Variants in NKD1 observed in about 807,000 individuals in gnomAD.
NKD1 encodes NKD inhibitor of Wnt signaling pathway 1, also known as protein naked cuticle homolog 1.
A neutral mutation model predicts 56.0 loss-of-function variants in NKD1; 21 were observed. The ratio of observed to expected loss-of-function variants is 0.38; its 90% CI spans 0.27 to 0.54. The LOEUF (loss-of-function observed/expected upper bound fraction) is 0.54, where lower values mean the gene tolerates loss of function less well. Among genes scored for constraint, NKD1 ranks in the 20% least tolerant of loss-of-function variants. The pLI is 0.82. For synonymous variants in NKD1, 263 were observed against 265.7 expected (o/e 0.99, Z 0.10); for missense variants, 578 against 642.7 (o/e 0.90, Z 1.09).
rs1223451536 is a variant in NKD1, at chr16:50,560,836, A to ATCTATCTATCTG, written c.192+11292_192+11293insGTCTATCTATCT. Among the ~76,000 whole-genome samples, 5 of 151,870 alleles carry ATCTATCTATCTG rather than the reference A, an allele frequency of 3.3e-5. No homozygotes were observed. In the East Asian group the frequency reaches 7.7e-4, roughly 24 times the overall value. On this transcript the variant is annotated intron_variant, in intron 3 of 9. Transcript: ENST00000268459. ...TATACCCAAACCCATCTATCTATCT[A>ATCTATCTATCTG]TCTATCTATCTATCTATCTATCTAT...
At chr16:50,555,576 G>A (rs1271907633) in intron 3 of NKD1, 1 of 152,574 alleles carries the variant, frequency 6.6e-6, no homozygotes, top group Admixed American at 6.5e-5. Context: ...TGCTCAAGAA[G>A]GAGGCTCTTC....
chr16:50,644,943 GA>G lies in NKD1; in HGVS notation c.*11163del, dbSNP rs1167222952. On this transcript the variant is annotated 3_prime_UTR_variant, in exon 10 of 10. Coordinates refer to ENST00000268459, the MANE Select transcript of NKD1 (RefSeq NM_033119.5). ...GACTGCAGGCCAGTCTCTGTGGTGT[GA>G]CCACCCCCCAGTGGCAAGGAGCTGC... 1 of 152,222 alleles carries G rather than the reference GA, an allele frequency of 6.6e-6. No homozygotes were observed. The highest frequency in any genetic ancestry group is 2.4e-5 in the African/African-American group (1 of 41,454). The allele number at this position is 152,222 out of a possible 1,614,324, so 9.4% of individuals were successfully genotyped here.
intron 3 of NKD1, among the ~76,000 whole-genome samples, chr16:50,597,024 C>T (rs886827923): frequency 6.6e-6 from 1 of 151,720 alleles, no homozygotes; most frequent in African/African-American, 2.4e-5. Context: ...GGTGATAGGG[C>T]AGACAAATTG....
intron 3 of NKD1, among the ~76,000 whole-genome samples, chr16:50,562,993 C>CA (rs1411898551): frequency 7.7e-6 from 1 of 129,508 alleles, no homozygotes; most frequent in Non-Finnish European, 1.6e-5. Flanking sequence ...ACCACCCCCC[C>CA]CCCCCGCCGT....
chr16:50,629,503 C>A (rs1295218314), intron 6 of NKD1, among the ~76,000 whole-genome samples: 1 of 152,178 alleles, frequency 6.6e-6, no homozygotes, highest in Non-Finnish European at 1.5e-5. Context: ...CCTGGGTCCA[C>A]CTCAAAGTTC....
rs1962138748 is a variant in NKD1, at chr16:50,623,490, A to G, written c.366+1782A>G. Among the ~76,000 whole-genome samples, 1 of 152,092 alleles carries G rather than the reference A, an allele frequency of 6.6e-6. No individual in the cohort carries two copies. Among genetic ancestry groups the G allele is most frequent in the Non-Finnish European group, 1.5e-5 (1 of 68,004 alleles). On this transcript the variant is annotated intron_variant, in intron 5 of 9. Transcript: ENST00000268459. The surrounding 1 kb of genome is among the most constrained non-coding windows in gnomAD (Gnocchi z 4.1). ...GCCCAGGGCTGAACTCAGTGGCAGA[A>G]GGAAGACCAGGCCCAGGCATCCTGC...
chr16:50,562,246 C>G, intron 3 of NKD1: 3 of 961,004 alleles, frequency 3.1e-6, no homozygotes, highest in Non-Finnish European at 3.7e-6. Context: ...AACTGCAAAA[C>G]ATTCATAGGC....
chr16:50,612,428 T>A (rs937974064), intron 4 of NKD1, among the ~76,000 whole-genome samples: 12 of 152,228 alleles, frequency 7.9e-5, no homozygotes, highest in Non-Finnish European at 1.5e-5. Flanking sequence ...TGCTGGGCAT[T>A]TGCTGCAGCT....
intron 7 of NKD1, 53 bp from the exon 8 acceptor site, chr16:50,630,773 G>C: frequency 6.7e-7 from 1 of 1,482,270 alleles, no homozygotes; most frequent in South Asian, 1.3e-5. Flanking sequence ...CCTGGGGAGG[G>C]TGGGAGCAGG....
At chr16:50,562,994 C>CA (rs1487201911) in intron 3 of NKD1, among the ~76,000 whole-genome samples, 2 of 131,202 alleles carry the variant, frequency 1.5e-5, no homozygotes, top group Non-Finnish European at 3.2e-5. Flanking sequence ...CCACCCCCCC[C>CA]CCCCGCCGTA....
Position 50,594,291 on chromosome 16 carries a change from G to A in NKD1, c.193-14003G>A, listed in dbSNP as rs114575041. Among the ~76,000 whole-genome samples the A allele has an allele frequency of 4.7e-3, 723 of 152,298 alleles. 9 individuals carry two copies. Among genetic ancestry groups the A allele is most frequent in the African/African-American group, 0.017 (692 of 41,564 alleles). On this transcript the variant is annotated intron_variant, in intron 3 of 9. Coordinates refer to ENST00000268459, the MANE Select transcript of NKD1 (RefSeq NM_033119.5). The stretch of plus-strand genomic sequence containing the variant: ...CACAGTGTGACCATTGCCTTTCTGG[G>A]CTGGACTGATGTTCCACCTGCTTTG...
rs887741776 is a variant in NKD1 at position 50,633,903 on chromosome 16, C to T, written c.*122C>T. ...ATTGTTATTAATAATTATTGTTACT[C>T]CACTAATATTTAGCTAGCCTACATG... On this transcript the variant is annotated 3_prime_UTR_variant, in exon 10 of 10. Transcript: ENST00000268459. The surrounding 1 kb of genome is among the most constrained non-coding windows in gnomAD (Gnocchi z 4.9). 6.8e-5 allele frequency: 38 copies of T among 554,896 alleles called. No homozygotes were observed. The East Asian group carries it at 1.2e-3, about 18-fold the overall frequency. The allele number at this position is 554,896 out of a possible 1,614,324, so 34.4% of individuals were successfully genotyped here.
At chr16:50,621,823 G>A (rs1173884634) in intron 5 of NKD1, 115 bp downstream of exon 5, 3 of 737,802 alleles carry the variant, frequency 4.1e-6, no homozygotes, top group African/African-American at 1.8e-5. Context: ...TCCCCTGCAT[G>A]AACAGCACCC....
Position 50,648,076 on chromosome 16 carries a change from C to G in NKD1, c.*14295C>G, listed in dbSNP as rs1426889781. 1 of 152,330 alleles carries G rather than the reference C, an allele frequency of 6.6e-6. No homozygotes were observed. Among genetic ancestry groups the G allele is most frequent in the Non-Finnish European group, 1.5e-5 (1 of 68,090 alleles). 9.4% of individuals were successfully genotyped at this position (152,330 alleles called of 1,614,324 possible). A position where few individuals can be genotyped will look rare whatever the true frequency, so the allele number is the denominator to read the frequency against. ...TGGGTGATTTCCGCAGGTGTCTGAACCCCGATCTCTCAGTGTTATGGCCCC... is the reference window on the plus strand; with the variant it reads ...TGGGTGATTTCCGCAGGTGTCTGAAGCCCGATCTCTCAGTGTTATGGCCCC... On this transcript the variant is annotated 3_prime_UTR_variant, in exon 10 of 10. Transcript: ENST00000268459.
At position 50,634,734 on chromosome 16, in the gene NKD1, G is replaced by C. The variant is rs1321969421; in HGVS notation, c.*953G>C. ...ATATACACTCTCAGGTATCTTTTCT[G>C]GTGTGTATAAATCAGTGGTTTGCTT... On this transcript the variant is annotated 3_prime_UTR_variant, in exon 10 of 10. Coordinates refer to ENST00000268459, the MANE Select transcript of NKD1 (RefSeq NM_033119.5). 1.3e-5 allele frequency: 2 copies of C among 152,268 alleles called. No homozygotes were observed. Among genetic ancestry groups the C allele is most frequent in the African/African-American group, 4.8e-5 (2 of 41,428 alleles). The allele number at this position is 152,268 out of a possible 1,614,324, so 9.4% of individuals were successfully genotyped here.
At chr16:50,562,843 A>G (rs1312514029) in intron 3 of NKD1, among the ~76,000 whole-genome samples, 1 of 152,082 alleles carries the variant, frequency 6.6e-6, no homozygotes, top group Admixed American at 6.5e-5. Context: ...GCCCTCACTC[A>G]TGACAAGCTC....
At chr16:50,628,635 A>G (rs867803586) in intron 6 of NKD1, among the ~76,000 whole-genome samples, 2 of 152,182 alleles carry the variant, frequency 1.3e-5, no homozygotes, top group South Asian at 2.1e-4. Context: ...AGGGTTTGAG[A>G]CACCTGGAAG....
Position 50,608,336 on chromosome 16 carries a change from G to A in NKD1, c.235G>A (p.Glu79Lys), listed in dbSNP as rs757932105. The A allele has an allele frequency of 1.9e-6, 3 of 1,613,290 alleles. No individual in the cohort carries two copies. The highest frequency in any genetic ancestry group is 1.3e-5 in the African/African-American group (1 of 74,922). The change falls in exon 4 of 10, where the codon GAG (glutamate) becomes AAG (lysine). Residue 79 changes from glutamate to lysine, a missense_variant. Transcript: ENST00000268459. ...DVLRDTLSEEEEDDFRLEVAL... is the reference protein window; with the variant it reads ...DVLRDTLSEEKEDDFRLEVAL... Reference sequence around the variant, plus strand: ...GTTGAGAGACACGCTCAGCGAGGAAGAGGAGGACGACTTTCGGCTGGAAGG... The same window carrying A: ...GTTGAGAGACACGCTCAGCGAGGAAAAGGAGGACGACTTTCGGCTGGAAGG...
At chr16:50,608,477 C>T in intron 4 of NKD1, 117 bp downstream of exon 4, 7 of 586,644 alleles carry the variant, frequency 1.2e-5, no homozygotes, top group East Asian at 3.8e-5. Context: ...CAACAGGGAC[C>T]TTGTGACTCT....
Sources: allele counts gnomAD v4.1 joint callset (sites outside exome capture counted in the v4.1 genomes callset), GRCh38; gene constraint gnomAD v4.1.1; non-coding constraint Gnocchi (gnomAD v3.1); transcripts MANE v1.5; gene names NCBI Gene and HGNC (gene_info 2026-07-23, HGNC 2026-07-21).